The following SLC3A2 variants were observed in gnomAD, a reference collection of about 807,000 sequenced individuals.
SLC3A2 encodes amino acid transporter heavy chain SLC3A2.
In SLC3A2, 32 loss-of-function variants were observed where a neutral mutation model predicts 48.5. That is an observed-to-expected ratio of 0.66 (90% CI 0.50 to 0.89). SLC3A2 has a LOEUF of 0.89. SLC3A2 is among the 40% of genes least tolerant of loss of function. The pLI, the probability that SLC3A2 is intolerant of heterozygous loss-of-function variation, is 0.00. For missense variants in SLC3A2, 587 were observed against 680.7 expected, an observed-to-expected ratio of 0.86 and a Z score of 1.53; for synonymous variants, 277 against 288.8, an observed-to-expected ratio of 0.96 and a Z score of 0.41.
chr11:62,866,327 A>C (rs568702330), intron 1 of SLC3A2, among the ~76,000 whole-genome samples: 1 of 151,756 alleles, frequency 6.6e-6, no homozygotes, highest in South Asian at 2.1e-4. Flanking sequence ...CATGTTGGCC[A>C]TGCTGGTCTT....
intron 1 of SLC3A2, among the ~76,000 whole-genome samples, chr11:62,874,859 C>G (rs990576156): frequency 3.3e-5 from 5 of 151,888 alleles, no homozygotes; most frequent in Non-Finnish European, 7.4e-5. Context: ...CTCCGCCTCC[C>G]AGGTTGAAGG....
At chr11:62,869,616 A>G (rs1253351670) in intron 1 of SLC3A2, among the ~76,000 whole-genome samples, 1 of 147,538 alleles carries the variant, frequency 6.8e-6, no homozygotes, top group African/African-American at 2.5e-5. Flanking sequence ...GTTTTTAGTG[A>G]TAATTTATAT....
chr11:62,884,494 G>C lies in SLC3A2; in HGVS notation c.728G>C (p.Gly243Ala), dbSNP rs200901013. The change falls in exon 4 of 9, where the codon GGG becomes GCG. Residue 243 changes from glycine to alanine, a missense_variant. Around this residue, in one of 3 missense-constraint regions of SLC3A2, gnomAD observed 409 missense variants for 446.7 expected, o/e 0.92. Coordinates refer to ENST00000338663, the MANE Select transcript of SLC3A2 (RefSeq NM_001013251.3). ...TTTTGGCTGCAAGCTGGCGTGGATG[G>C]GTTCCAGGTTCGGGACATAGAGAAT... ...LEFWLQAGVD[G>A]FQVRDIENLK... is the part of the protein sequence containing the mutation. 5.0e-6 allele frequency: 8 copies of C among 1,614,088 alleles called. No homozygotes were observed. Among genetic ancestry groups the C allele is most frequent in the Non-Finnish European group, 5.9e-6 (7 of 1,180,044 alleles).
intron 5 of SLC3A2, 84 bp downstream of exon 5, chr11:62,884,774 T>C: frequency 1.0e-6 from 1 of 997,432 alleles, no homozygotes. Context: ...GGGGGATTCC[T>C]AGTCTAGAGC....
At chr11:62,856,289 A>C in exon 1 of SLC3A2, 1 of 1,613,266 alleles carries the variant, frequency 6.2e-7, no homozygotes, top group Non-Finnish European at 8.5e-7. Context: ...CAGCCTCCTG[A>C]AGCCTCGATC....
chr11:62,888,280 G>GT, intron 8 of SLC3A2, 51 bp from the exon 9 acceptor site: 1 of 1,609,530 alleles, frequency 6.2e-7, no homozygotes, highest in Non-Finnish European at 8.5e-7. Context: ...GTAGAAGTCT[G>GT]TACCCAGGGG....
At chr11:62,880,088 G>A (rs933870914), upstream of SLC3A2, among the ~76,000 whole-genome samples, 2 of 152,166 alleles carry the variant, frequency 1.3e-5, no homozygotes, top group Non-Finnish European at 2.9e-5. Flanking sequence ...GTTCATTACA[G>A]CCCTATCAGT....
At chr11:62,859,190 G>C (rs1437035457) in intron 1 of SLC3A2, among the ~76,000 whole-genome samples, 1 of 152,000 alleles carries the variant, frequency 6.6e-6, no homozygotes, top group East Asian at 1.9e-4. Flanking sequence ...GCGGCCTTCC[G>C]CAGTTTTTGT....
chr11:62,857,545 C>A lies in SLC3A2; in HGVS notation c.112+1164C>A, dbSNP rs371116938. Among the ~76,000 whole-genome samples, 413 of 151,946 alleles carry A rather than the reference C, an allele frequency of 2.7e-3. 2 individuals are homozygous for A. The highest frequency in any genetic ancestry group is 6.8e-3 in the Middle Eastern group (2 of 294). ...CTACAAAAAAAATAGAAAAAATTAG[C>A]CAGGAGCGGTGGTGCATGCCTGTAG... On this transcript the variant is annotated intron_variant, in intron 1 of 9. Transcript: ENST00000377889.
At chr11:62,878,642 T>G (rs2085594806), upstream of SLC3A2, among the ~76,000 whole-genome samples, 1 of 150,862 alleles carries the variant, frequency 6.6e-6, no homozygotes, top group Non-Finnish European at 1.5e-5. Flanking sequence ...ATTTTTTTTT[T>G]TTTTTTTTGC....
upstream of SLC3A2, among the ~76,000 whole-genome samples, chr11:62,877,807 G>T (rs2085585331): frequency 6.6e-6 from 1 of 152,228 alleles, no homozygotes; most frequent in South Asian, 2.1e-4. Context: ...TGTGAAGCAG[G>T]TGGTGGCTGA....
chr11:62,881,577 TC>T lies in SLC3A2; in HGVS notation c.424+135del, dbSNP rs2085639684. ...TCCCGTACCGACGACTGTTCCCCCT[TC>T]CCCCACCCCCTCCCCGGCACATTGT... On this transcript the variant is annotated intron_variant, in intron 1 of 8. Transcript: ENST00000338663. The surrounding 1 kb of genome is among the most constrained non-coding windows in gnomAD (Gnocchi z 4.0). 8.2e-7 allele frequency: 1 copy of T among 1,221,278 alleles called. No homozygotes were observed. Among genetic ancestry groups the T allele is most frequent in the Non-Finnish European group, 1.1e-6 (1 of 905,988 alleles). 75.7% of individuals were successfully genotyped at this position (1,221,278 alleles called of 1,614,324 possible). A position where few individuals can be genotyped will look rare whatever the true frequency, so the allele number is the denominator to read the frequency against.
Position 62,882,155 on chromosome 11 carries a change from A to AAAGTAGAACT in SLC3A2, c.598+89_598+90insAAGTAGAACT, listed in dbSNP as rs2085650540. 56 of 1,491,204 alleles carry AAAGTAGAACT rather than the reference A, an allele frequency of 3.8e-5. 1 individual carries two copies. The South Asian group carries it at 5.6e-4, about 15-fold the overall frequency. The allele number at this position is 1,491,204 out of a possible 1,614,324, so 92.4% of individuals were successfully genotyped here. A position where few individuals can be genotyped will look rare whatever the true frequency, so the allele number is the denominator to read the frequency against. On this transcript the variant is annotated intron_variant, in intron 2 of 8. Coordinates refer to ENST00000338663, the MANE Select transcript of SLC3A2 (RefSeq NM_001013251.3). ...AGAACTTTTGTCTGGTTTCCTGCTAACTGGCTCTGAGTTTTCCTAGGGCAG... is the reference window on the plus strand; with the variant it reads ...AGAACTTTTGTCTGGTTTCCTGCTAAAAGTAGAACTCTGGCTCTGAGTTTTCCTAGGGCAG...
At chr11:62,859,558 T>A (rs2085376164) in intron 1 of SLC3A2, among the ~76,000 whole-genome samples, 1 of 151,992 alleles carries the variant, frequency 6.6e-6, no homozygotes, top group African/African-American at 2.4e-5. Context: ...GTGGGTGCGG[T>A]GGCAGGCGAT....
Position 62,872,586 on chromosome 11 carries a change from T to G in SLC3A2, c.113-8433T>G, listed in dbSNP as rs147568256. ...ATAGTCCAGCCTCCTTTTAAGAGAC[T>G]TGGTGTTGAAATTAACCAATTTTTT... On this transcript the variant is annotated intron_variant, in intron 1 of 9. Coordinates refer to the SLC3A2 transcript ENST00000377889. Among the ~76,000 whole-genome samples, 36 of 152,314 alleles carry G rather than the reference T, an allele frequency of 2.4e-4. 1 individual carries two copies. The highest frequency in any genetic ancestry group is 7.9e-4 in the African/African-American group (33 of 41,582).
At chr11:62,878,732 C>G (rs1002710050), upstream of SLC3A2, among the ~76,000 whole-genome samples, 3 of 150,738 alleles carry the variant, frequency 2.0e-5, no homozygotes, top group Non-Finnish European at 2.9e-5. Flanking sequence ...CTGCCTCGGC[C>G]TCCCAAAGTG....
chr11:62,885,317 A>G lies in SLC3A2; in HGVS notation c.959A>G (p.Gln320Arg), dbSNP rs767600375. 1 of 1,614,258 alleles carries G rather than the reference A, an allele frequency of 6.2e-7. No homozygotes were observed. Among genetic ancestry groups the G allele is most frequent in the Non-Finnish European group, 8.5e-7 (1 of 1,180,050 alleles). The change falls in exon 6 of 9, where the codon CAG becomes CGG. Residue 320 changes from glutamine to arginine, a missense_variant. Physicochemically the swap from Gln to Arg is conservative, Grantham distance 43. Around this residue, in one of 3 missense-constraint regions of SLC3A2, gnomAD observed 409 missense variants for 446.7 expected, o/e 0.92. Coordinates refer to ENST00000338663, the MANE Select transcript of SLC3A2 (RefSeq NM_001013251.3). ...TGEHTKSLVT[Q>R]YLNATGNRWC... ...GAGCATACAAAATCCCTAGTCACAC[A>G]GTATTTGAATGCCACTGGCAATCGC...
intron 3 of SLC3A2, chr11:62,883,626 T>A: frequency 4.8e-6 from 1 of 210,512 alleles, no homozygotes. Context: ...TAGCTGTGAT[T>A]CTAAGATAGA....
Position 62,884,461 on chromosome 11 carries a change from C to A in SLC3A2, c.695C>A (p.Ala232Asp). 1.9e-6 allele frequency: 3 copies of A among 1,614,192 alleles called. No individual in the cohort carries two copies. Among genetic ancestry groups the A allele is most frequent in the Non-Finnish European group, 2.5e-6 (3 of 1,180,042 alleles). The change falls in exon 4 of 9, where the codon GCT (alanine) becomes GAT (aspartate). Residue 232 changes from alanine (A) to aspartate (D), a missense_variant. By Grantham distance (126) the Ala-to-Asp change is moderately radical. Around this residue, in one of 3 missense-constraint regions of SLC3A2, gnomAD observed 409 missense variants for 446.7 expected, o/e 0.92. Transcript: ENST00000338663. Reference sequence around the variant, plus strand: ...TTATTCTTCTGCCCCCTATAGGATGCTCTGGAGTTTTGGCTGCAAGCTGGC... The same window carrying A: ...TTATTCTTCTGCCCCCTATAGGATGATCTGGAGTTTTGGCTGCAAGCTGGC... ...VDTVATKVKD[A>D]LEFWLQAGVD...
Sources: gnomAD v4.1 joint callset for allele counts (sites outside exome capture counted in the v4.1 genomes callset) on GRCh38, gnomAD v4.1.1 for gene constraint, gnomAD v4.1.1 regional missense constraint, Gnocchi (gnomAD v3.1) non-coding constraint, MANE v1.5 for transcripts, NCBI Gene and HGNC (gene_info 2026-07-23, HGNC 2026-07-21) for gene names.